The following SCFD2 variants were observed in gnomAD, a reference collection of about 807,000 sequenced individuals.
SCFD2 encodes the protein sec1 family domain-containing protein 2.
A neutral mutation model predicts 58.9 loss-of-function variants in SCFD2; 54 were observed. The observed-to-expected ratio is 0.92, with a 90% CI of 0.74 to 1.15. SCFD2 has a LOEUF of 1.15. Among genes scored for constraint, SCFD2 ranks in the 50% most tolerant of loss-of-function variants. The probability of loss-of-function intolerance (pLI) is 0.00; values close to 1 mark genes in which losing one functional copy is unlikely to be tolerated. For synonymous variants in SCFD2, 321 were observed against 335.9 expected (o/e 0.96, Z 0.49); for missense variants, 805 against 836.6 (o/e 0.96, Z 0.47).
At chr4:52,991,181 A>G (rs13104612) in intron 5 of SCFD2, among the ~76,000 whole-genome samples, 17,196 of 152,206 alleles carry the variant, frequency 0.11, 1,136 homozygotes, top group East Asian at 0.32. Context: ...GTTGGTGTTC[A>G]GTATGCTTGG....
intron 4 of SCFD2, among the ~76,000 whole-genome samples, chr4:53,247,475 A>G (rs1730127410): frequency 6.6e-6 from 1 of 152,246 alleles, no homozygotes; most frequent in South Asian, 2.1e-4. Flanking sequence ...AATAGCAAAG[A>G]CATGGAATCA....
At chr4:53,254,846 TTTTATTTTATTTTA>T (rs1434798996) in intron 4 of SCFD2, among the ~76,000 whole-genome samples, 7 of 84,116 alleles carry the variant, frequency 8.3e-5, no homozygotes, top group South Asian at 4.4e-4. Flanking sequence ...TTTTATTTTA[TTTTATTTTATTTTA>T]TTTATTTTAT....
intron 5 of SCFD2, among the ~76,000 whole-genome samples, chr4:53,115,942 T>C (rs1725306185): frequency 6.6e-6 from 1 of 152,144 alleles, no homozygotes; most frequent in Non-Finnish European, 1.5e-5. Context: ...TTTTCTGATA[T>C]CACTATTTAT....
intron 4 of SCFD2, among the ~76,000 whole-genome samples, chr4:53,201,774 A>G (rs182399852): frequency 3.9e-4 from 60 of 152,344 alleles, no homozygotes; most frequent in African/African-American, 1.4e-3. Context: ...TCTGATGGCC[A>G]GTGATGATGA....
chr4:52,998,857 A>G (rs1721802330), intron 5 of SCFD2, among the ~76,000 whole-genome samples: 1 of 152,238 alleles, frequency 6.6e-6, no homozygotes, highest in Non-Finnish European at 1.5e-5. Flanking sequence ...CACACTGTTT[A>G]GACTAAAACA....
At chr4:53,287,647 A>G (rs1481822) in intron 3 of SCFD2, among the ~76,000 whole-genome samples, 14,641 of 152,214 alleles carry the variant, frequency 0.096, 1,059 homozygotes, top group African/African-American at 0.19. Context: ...TACCAGATAC[A>G]CAGACATCAC....
chr4:53,053,071 A>G (rs1310904373), intron 5 of SCFD2, among the ~76,000 whole-genome samples: 1 of 152,068 alleles, frequency 6.6e-6, no homozygotes, highest in Non-Finnish European at 1.5e-5. Context: ...CTAAAAATAC[A>G]AAAATTAGCC....
chr4:53,318,199 T>C (rs974676965), intron 2 of SCFD2, among the ~76,000 whole-genome samples: 2 of 152,360 alleles, frequency 1.3e-5, no homozygotes, highest in Admixed American at 6.5e-5. Flanking sequence ...AGAACTTTAC[T>C]ATAGCTTACT....
chr4:53,063,209 G>A (rs1464191047), intron 5 of SCFD2, among the ~76,000 whole-genome samples: 1 of 152,082 alleles, frequency 6.6e-6, no homozygotes, highest in East Asian at 1.9e-4. Context: ...TAATGCCTCT[G>A]TCAGACTTTA....
At chr4:53,088,385 G>A (rs13104284) in intron 5 of SCFD2, among the ~76,000 whole-genome samples, 31,345 of 152,174 alleles carry the variant, frequency 0.21, 3,579 homozygotes, top group Non-Finnish European at 0.26. Context: ...TGACAGAGCC[G>A]TGGGAGCAGA....
At chr4:53,143,854 T>C (rs1270405789) in intron 5 of SCFD2, among the ~76,000 whole-genome samples, 1 of 151,892 alleles carries the variant, frequency 6.6e-6, no homozygotes, top group Non-Finnish European at 1.5e-5. Flanking sequence ...ATGTGGTACA[T>C]TTTTAAAGTA....
intron 4 of SCFD2, among the ~76,000 whole-genome samples, chr4:53,209,924 C>T (rs1485696589): frequency 1.3e-5 from 2 of 152,072 alleles, no homozygotes; most frequent in Non-Finnish European, 2.9e-5. Context: ...AGATATTTTA[C>T]ACATTGTAAG....
intron 5 of SCFD2, among the ~76,000 whole-genome samples, chr4:52,939,151 C>G (rs2109510239): frequency 6.6e-6 from 1 of 152,094 alleles, no homozygotes; most frequent in African/African-American, 2.4e-5. Flanking sequence ...TTAGCACAAC[C>G]TAACAGATAC....
At chr4:53,012,814 C>CTGTGTGTG (rs533768079) in intron 5 of SCFD2, among the ~76,000 whole-genome samples, 4 of 146,186 alleles carry the variant, frequency 2.7e-5, no homozygotes, top group Admixed American at 1.3e-4. Context: ...CCCCTCCTTT[C>CTGTGTGTG]TGTGTGTGTG....
At chr4:53,259,784 C>T (rs558920225) in intron 4 of SCFD2, among the ~76,000 whole-genome samples, 5 of 152,092 alleles carry the variant, frequency 3.3e-5, no homozygotes, top group African/African-American at 1.2e-4. Flanking sequence ...AGAAATTGCA[C>T]TGAATTTGTA....
rs538405951 is a variant in SCFD2, at chr4:53,228,549, A to G, written c.1311+45277T>C. Among the ~76,000 whole-genome samples, 5 of 152,234 alleles carry G rather than the reference A, an allele frequency of 3.3e-5. No individual in the cohort carries two copies. In the South Asian group the frequency reaches 8.3e-4, roughly 25 times the overall value. ...TATATCTCAGATATTGAAATAAGAT[A>G]TGCTTTGACAAAATTCAACAACACT... On this transcript the variant is annotated intron_variant, in intron 4 of 8. Coordinates refer to ENST00000401642, the MANE Select transcript of SCFD2 (RefSeq NM_152540.4).
intron 5 of SCFD2, among the ~76,000 whole-genome samples, chr4:53,027,706 T>C (rs960934323): frequency 2.0e-5 from 3 of 151,980 alleles, no homozygotes; most frequent in Non-Finnish European, 2.9e-5. Context: ...CACCCACCTG[T>C]AGTCCCAGCT....
At chr4:53,271,908 G>A (rs1560422623) in intron 4 of SCFD2, among the ~76,000 whole-genome samples, 2 of 152,304 alleles carry the variant, frequency 1.3e-5, no homozygotes, top group South Asian at 2.1e-4. Flanking sequence ...CCATCAGAGT[G>A]AACAGGCAAC....
chr4:53,236,435 A>G lies in SCFD2; in HGVS notation c.1311+37391T>C, dbSNP rs115540010. Among the ~76,000 whole-genome samples, 1,338 of 147,584 alleles carry G rather than the reference A, an allele frequency of 9.1e-3. 31 individuals are homozygous for G. The highest frequency in any genetic ancestry group is 0.031 in the African/African-American group (1,262 of 40,232). ...ATGATATATTTATTAGGATATATAT[A>G]TCACACATATATAAGGATATATATA... On this transcript the variant is annotated intron_variant, in intron 4 of 8. Coordinates refer to ENST00000401642, the MANE Select transcript of SCFD2 (RefSeq NM_152540.4).
Sources: gnomAD v4.1 joint callset for allele counts (sites outside exome capture counted in the v4.1 genomes callset) on GRCh38, gnomAD v4.1.1 for gene constraint, MANE v1.5 for transcripts, NCBI Gene and HGNC (gene_info 2026-07-23, HGNC 2026-07-21) for gene names.